The following FYB2 variants were observed in gnomAD, a reference collection of about 807,000 sequenced individuals.
The protein encoded by FYB2 is FYN-binding protein 2.
Under a neutral mutation model 94.1 loss-of-function variants are expected in FYB2, and 103 were observed. The observed-to-expected ratio is 1.09, with a 90% CI of 0.93 to 1.29. FYB2 has a LOEUF of 1.29. Among genes scored for constraint, FYB2 ranks in the 50% most tolerant of loss-of-function variants. The pLI, the probability that FYB2 is intolerant of heterozygous loss-of-function variation, is 0.00. For missense variants in FYB2, 896 were observed against 841.5 expected (o/e 1.06, Z -0.80); for synonymous variants, 293 against 287.9 (o/e 1.02, Z -0.18).
chr1:56,770,585 A>G (rs899055940), intron 4 of FYB2, among the ~76,000 whole-genome samples: 1 of 152,204 alleles, frequency 6.6e-6, no homozygotes, highest in African/African-American at 2.4e-5. Context: ...ATTTATTCCG[A>G]GACCTCAAGG....
At chr1:56,824,750 T>C in the FYB2 span, 1 of 152,218 alleles carries the variant, frequency 6.6e-6, no homozygotes, top group Non-Finnish European at 1.5e-5. Context: ...TTTTTCTTCC[T>C]CATGTAGCTA....
chr1:56,734,777 C>T (rs2100563693), intron 15 of FYB2, among the ~76,000 whole-genome samples: 1 of 152,096 alleles, frequency 6.6e-6, no homozygotes, highest in Non-Finnish European at 1.5e-5. Flanking sequence ...AACAAACCTT[C>T]ACATTGTGCA....
intron 9 of FYB2, among the ~76,000 whole-genome samples, chr1:56,745,443 C>T (rs947469119): frequency 2.0e-5 from 3 of 151,962 alleles, no homozygotes; most frequent in Non-Finnish European, 2.9e-5. Flanking sequence ...CAATTCCATC[C>T]TTTATGTTGC....
intron 4 of FYB2, among the ~76,000 whole-genome samples, chr1:56,779,692 T>C (rs1208731457): frequency 6.6e-6 from 1 of 152,206 alleles, no homozygotes; most frequent in Non-Finnish European, 1.5e-5. Context: ...CACTGGCCCA[T>C]CACTCAGTCA....
At chr1:56,750,668 G>GTA (rs1021532699) in intron 9 of FYB2, among the ~76,000 whole-genome samples, 4 of 151,860 alleles carry the variant, frequency 2.6e-5, no homozygotes, top group Non-Finnish European at 2.9e-5. Context: ...ACAGGAGCTA[G>GTA]TATATATATA....
At chr1:56,777,680 C>T (rs531726425) in intron 4 of FYB2, among the ~76,000 whole-genome samples, 1 of 152,232 alleles carries the variant, frequency 6.6e-6, no homozygotes, top group African/African-American at 2.4e-5. Context: ...CTTACCACTA[C>T]ACACTCTAAT....
At chr1:56,819,692 A>C, upstream of FYB2, 1 of 330,966 alleles carries the variant, frequency 3.0e-6, no homozygotes, top group Non-Finnish European at 5.7e-6. Flanking sequence ...GGCTCCTGTT[A>C]GTACAGACCA....
chr1:56,769,548 T>A (rs1473928630), intron 4 of FYB2, among the ~76,000 whole-genome samples: 2 of 152,114 alleles, frequency 1.3e-5, no homozygotes, highest in Non-Finnish European at 2.9e-5. Context: ...TTTTCCATAA[T>A]AATAATATGG....
At chr1:56,734,886 T>C (rs1329882608) in intron 15 of FYB2, among the ~76,000 whole-genome samples, 2 of 151,762 alleles carry the variant, frequency 1.3e-5, no homozygotes, top group East Asian at 3.9e-4. Context: ...ACCAGGGAAA[T>C]GCAAATCAAA....
intron 4 of FYB2, among the ~76,000 whole-genome samples, chr1:56,773,939 T>C (rs1202086260): frequency 6.6e-6 from 1 of 152,118 alleles, no homozygotes; most frequent in Non-Finnish European, 1.5e-5. Context: ...CAAATTTCTA[T>C]TTCCAGTAAA....
Position 56,748,458 on chromosome 1 carries a change from C to T in FYB2, c.1387+2586G>A, listed in dbSNP as rs144177744. 1.3e-3 allele frequency among the ~76,000 whole-genome samples: 199 copies of T among 151,840 alleles called. 2 individuals carry two copies. The highest frequency in any genetic ancestry group is 4.4e-3 in the African/African-American group (183 of 41,434). On this transcript the variant is annotated intron_variant, in intron 9 of 19. Transcript: ENST00000343433. Reference sequence around the variant, plus strand: ...AGGAAGGGGTCCAGTTTCTGTTTTCCGCATGTGGCTAGCCAGTTTTCCCAG... The same window carrying T: ...AGGAAGGGGTCCAGTTTCTGTTTTCTGCATGTGGCTAGCCAGTTTTCCCAG...
At chr1:56,736,495 G>A (rs532545768) in intron 15 of FYB2, among the ~76,000 whole-genome samples, 18 of 139,328 alleles carry the variant, frequency 1.3e-4, no homozygotes, top group South Asian at 4.6e-4. Flanking sequence ...GTGTGATCCC[G>A]GCTCACTACA....
At chr1:56,822,019 G>T (rs1170447279), upstream of FYB2, among the ~76,000 whole-genome samples, 1 of 152,172 alleles carries the variant, frequency 6.6e-6, no homozygotes, top group Non-Finnish European at 1.5e-5. Flanking sequence ...GTGACCTCCT[G>T]CTAGCTTTAG....
chr1:56,778,354 T>C (rs367742895), intron 4 of FYB2, among the ~76,000 whole-genome samples: 12 of 152,334 alleles, frequency 7.9e-5, no homozygotes, highest in African/African-American at 2.9e-4. Context: ...AGTTTAATTT[T>C]CTCTCTCTTG....
intron 4 of FYB2, among the ~76,000 whole-genome samples, chr1:56,781,900 T>C (rs1240995391): frequency 2.0e-5 from 3 of 152,188 alleles, no homozygotes; most frequent in Non-Finnish European, 4.4e-5. Context: ...TTTTCTTTCC[T>C]GGGATGTTCA....
chr1:56,787,143 C>T (rs759124569), intron 4 of FYB2, 32 bp downstream of exon 4: 26 of 1,612,852 alleles, frequency 1.6e-5, no homozygotes, highest in South Asian at 3.3e-5. Flanking sequence ...TGGTGGGCTA[C>T]GTTCCTACAC....
intron 4 of FYB2, among the ~76,000 whole-genome samples, chr1:56,782,771 C>G (rs1205188894): frequency 6.6e-6 from 1 of 152,094 alleles, no homozygotes; most frequent in Non-Finnish European, 1.5e-5. Context: ...CAGACCCTCC[C>G]CTAAGAAACA....
At chr1:56,758,787 G>C (rs857103) in intron 5 of FYB2, 37 bp from the exon 6 acceptor site, 1,013,221 of 1,520,908 alleles carry the variant, frequency 0.67, 344,064 homozygotes, top group African/African-American at 0.94. Flanking sequence ...CAAGGCAGCT[G>C]ATCCACCCAT....
chr1:56,756,705 A>T (rs947695293), intron 6 of FYB2, among the ~76,000 whole-genome samples: 1 of 152,140 alleles, frequency 6.6e-6, no homozygotes, highest in Non-Finnish European at 1.5e-5. Context: ...TTTACAGGTT[A>T]CTAAACCTCT....
Sources: gnomAD v4.1 joint callset for allele counts (sites outside exome capture counted in the v4.1 genomes callset) on GRCh38, gnomAD v4.1.1 for gene constraint, MANE v1.5 for transcripts, NCBI Gene and HGNC (gene_info 2026-07-23, HGNC 2026-07-21) for gene names.